Variants in USP45 observed in about 807,000 individuals in gnomAD.
USP45 encodes the protein ubiquitin carboxyl-terminal hydrolase 45.
In USP45, 89 loss-of-function variants were observed where a neutral mutation model predicts 95.8. The ratio of observed to expected loss-of-function variants is 0.93; its 90% CI spans 0.78 to 1.11. The LOEUF is 1.11. Ranked by LOEUF, USP45 falls within the 50% of genes least tolerant of loss-of-function variation. The pLI, the probability that USP45 is intolerant of heterozygous loss-of-function variation, is 0.00. For synonymous variants in USP45, 281 were observed against 316.2 expected, an observed-to-expected ratio of 0.89 and a Z score of 1.18; for missense variants, 898 against 942.5, an observed-to-expected ratio of 0.95 and a Z score of 0.62.
At chr6:99,477,597 G>A (rs1049106782) in intron 8 of USP45, among the ~76,000 whole-genome samples, 2 of 152,150 alleles carry the variant, frequency 1.3e-5, no homozygotes, top group Non-Finnish European at 2.9e-5. Flanking sequence ...ACAGGCATGA[G>A]CCATCACGCC....
At chr6:99,452,172 T>A (rs1341048499) in intron 13 of USP45, among the ~76,000 whole-genome samples, 1 of 152,026 alleles carries the variant, frequency 6.6e-6, no homozygotes, top group African/African-American at 2.4e-5. Context: ...AAGCCAAAAT[T>A]GACAAATGGG....
intron 9 of USP45, among the ~76,000 whole-genome samples, chr6:99,474,326 A>C (rs924916932): frequency 2.0e-5 from 3 of 152,006 alleles, no homozygotes; most frequent in African/African-American, 7.2e-5. Context: ...GCCACCCAAG[A>C]AGCTGGGATT....
chr6:99,469,812 A>G (rs532222176), intron 9 of USP45, among the ~76,000 whole-genome samples: 16 of 151,410 alleles, frequency 1.1e-4, no homozygotes, highest in African/African-American at 3.6e-4. Context: ...TTTTGTAGAG[A>G]CAGGCTCTTC....
chr6:99,492,921 G>A (rs1166565175), intron 5 of USP45, among the ~76,000 whole-genome samples: 1 of 152,126 alleles, frequency 6.6e-6, no homozygotes, highest in Non-Finnish European at 1.5e-5. Flanking sequence ...TTGTGTATCA[G>A]GCACTATATG....
At chr6:99,515,451 C>A (rs1018458469), upstream of USP45, 2 of 152,240 alleles carry the variant, frequency 1.3e-5, no homozygotes, top group Non-Finnish European at 2.9e-5. Flanking sequence ...GCGCTCGTCC[C>A]GCTCCCGGCA....
chr6:99,444,934 C>A (rs549971502), intron 14 of USP45, among the ~76,000 whole-genome samples: 20 of 152,326 alleles, frequency 1.3e-4, no homozygotes, highest in African/African-American at 4.8e-4. Flanking sequence ...ATAAAGCCTA[C>A]ATTTTAAAAC....
At chr6:99,483,367 A>T (rs1390733660) in intron 7 of USP45, among the ~76,000 whole-genome samples, 2 of 152,304 alleles carry the variant, frequency 1.3e-5, no homozygotes, top group East Asian at 3.9e-4. Flanking sequence ...TTTAAAGGGG[A>T]GAGACATAAA....
chr6:99,475,172 G>A (rs1010206666), intron 9 of USP45, among the ~76,000 whole-genome samples: 3 of 152,060 alleles, frequency 2.0e-5, no homozygotes, highest in Non-Finnish European at 4.4e-5. Context: ...AATACTGCTT[G>A]GTCTGCATGG....
intron 16 of USP45, among the ~76,000 whole-genome samples, chr6:99,439,392 A>T (rs534706932): frequency 9.2e-5 from 14 of 152,334 alleles, no homozygotes; most frequent in African/African-American, 3.4e-4. Context: ...ATTCACTTCT[A>T]CACTGATTTG....
In USP45 at chr6:99,508,879, A is replaced by G. The variant is rs1166462834; in HGVS notation, c.101-97T>C. 17 of 1,045,582 alleles carry G rather than the reference A, an allele frequency of 1.6e-5. No homozygotes were observed. In the African/African-American group the frequency reaches 2.4e-4, roughly 15 times the overall value. 64.8% of individuals were successfully genotyped at this position (1,045,582 alleles called of 1,614,324 possible). On this transcript the variant is annotated intron_variant, in intron 2 of 17. Transcript: ENST00000500704. ...CAAAAGTATTAAATGCTGTTAACTA[A>G]AAAGCACAGAGATTGAACACACAAA... is the stretch of plus-strand genomic sequence containing the variant.
intron 13 of USP45, among the ~76,000 whole-genome samples, chr6:99,450,400 A>C (rs907653137): frequency 3.3e-5 from 5 of 152,332 alleles, no homozygotes; most frequent in African/African-American, 4.8e-5. Flanking sequence ...AGAATACTAT[A>C]AACACCTCTA....
intron 7 of USP45, among the ~76,000 whole-genome samples, chr6:99,484,507 T>C (rs536450562): frequency 1.3e-5 from 2 of 152,030 alleles, no homozygotes; most frequent in East Asian, 3.9e-4. Flanking sequence ...ATGTCAAAAG[T>C]GCTTTTCTGG....
At chr6:99,468,278 C>A (rs540452591) in intron 10 of USP45, 2 of 507,412 alleles carry the variant, frequency 3.9e-6, no homozygotes, top group East Asian at 9.7e-5. Flanking sequence ...TTTCAAGTTT[C>A]CCTTAGAAGA....
chr6:99,509,603 T>C (rs1014255489), intron 2 of USP45, among the ~76,000 whole-genome samples: 1 of 149,492 alleles, frequency 6.7e-6, no homozygotes, highest in African/African-American at 2.5e-5. Flanking sequence ...TGCCAAGCTC[T>C]GGTGGCTTGG....
intron 13 of USP45, among the ~76,000 whole-genome samples, chr6:99,450,623 C>T (rs995451181): frequency 2.0e-5 from 3 of 152,212 alleles, no homozygotes; most frequent in Non-Finnish European, 2.9e-5. Flanking sequence ...GAGCTGGTAC[C>T]ATTCCTTCTG....
At chr6:99,506,893 A>T (rs1275500611) in intron 4 of USP45, among the ~76,000 whole-genome samples, 1 of 152,192 alleles carries the variant, frequency 6.6e-6, no homozygotes, top group African/African-American at 2.4e-5. Flanking sequence ...TCTTTACATT[A>T]TACAAGGAAA....
chr6:99,503,743 C>T, intron 5 of USP45, 22 bp downstream of exon 5: 2 of 1,462,472 alleles, frequency 1.4e-6, no homozygotes, highest in Non-Finnish European at 1.9e-6. Flanking sequence ...ACACAGATTC[C>T]TTTAGTCATC....
intron 15 of USP45, 25 bp downstream of exon 15, chr6:99,443,540 T>C (rs1781900913): frequency 6.6e-7 from 1 of 1,519,462 alleles, no homozygotes; most frequent in East Asian, 2.3e-5. Flanking sequence ...ATGATGAAAA[T>C]TATGGTGCTA....
chr6:99,478,945 AG>A (rs1791585030), intron 8 of USP45, among the ~76,000 whole-genome samples: 1 of 152,072 alleles, frequency 6.6e-6, no homozygotes, highest in Admixed American at 6.6e-5. Context: ...AGATAAAAAA[AG>A]AGTACACCCT....
Sources: allele counts gnomAD v4.1 joint callset (sites outside exome capture counted in the v4.1 genomes callset), GRCh38; gene constraint gnomAD v4.1.1; transcripts MANE v1.5; gene names NCBI Gene and HGNC (gene_info 2026-07-23, HGNC 2026-07-21).